KIAA1217: variants seen among roughly 807,000 people sequenced by gnomAD.
KIAA1217 encodes the protein sickle tail protein homolog.
Under a neutral mutation model 163.9 loss-of-function variants are expected in KIAA1217, and 88 were observed. The ratio of observed to expected loss-of-function variants is 0.54; its 90% CI spans 0.45 to 0.64. KIAA1217 has a LOEUF of 0.64. Among genes scored for constraint, KIAA1217 ranks in the 30% least tolerant of loss-of-function variants. The probability of loss-of-function intolerance (pLI) is 0.00; values close to 1 mark genes in which losing one functional copy is unlikely to be tolerated. For synonymous variants in KIAA1217, 903 were observed against 923.1 expected (o/e 0.98, Z 0.39); for missense variants, 2,372 against 2,475.0 (o/e 0.96, Z 0.88).
chr10:24,159,333 T>C (rs2065014339), intron 2 of KIAA1217, among the ~76,000 whole-genome samples: 1 of 152,184 alleles, frequency 6.6e-6, no homozygotes, highest in African/African-American at 2.4e-5. Flanking sequence ...ATAATAAACA[T>C]TGTCAATGAT....
chr10:24,393,740 AC>A (rs1289074557), intron 3 of KIAA1217, among the ~76,000 whole-genome samples: 1 of 152,216 alleles, frequency 6.6e-6, no homozygotes, highest in East Asian at 1.9e-4. Context: ...CAGAGAGAAG[AC>A]CATGTGAAGA....
At chr10:24,522,402 C>A (rs554118506) in intron 12 of KIAA1217, among the ~76,000 whole-genome samples, 2 of 152,122 alleles carry the variant, frequency 1.3e-5, no homozygotes, top group African/African-American at 4.8e-5. Flanking sequence ...AGTTTATTAG[C>A]CTCCTTCACT....
At chr10:23,893,971 G>A (rs1271632464) in intron 1 of KIAA1217, among the ~76,000 whole-genome samples, 1 of 151,958 alleles carries the variant, frequency 6.6e-6, no homozygotes, top group African/African-American at 2.4e-5. Flanking sequence ...AATAAATTAG[G>A]TATTGATGGG....
chr10:23,813,853 A>G (rs1273313653), intron 1 of KIAA1217, among the ~76,000 whole-genome samples: 1 of 152,172 alleles, frequency 6.6e-6, no homozygotes, highest in Non-Finnish European at 1.5e-5. Flanking sequence ...TGCCTGTTTC[A>G]TTATGTCCTT....
intron 1 of KIAA1217, among the ~76,000 whole-genome samples, chr10:23,790,460 T>C (rs1439113805): frequency 8.7e-6 from 1 of 114,630 alleles, no homozygotes; most frequent in Non-Finnish European, 1.7e-5. Context: ...TACATGTGCA[T>C]ATATACATAT....
At chr10:23,743,398 A>C (rs1182570287) in intron 1 of KIAA1217, among the ~76,000 whole-genome samples, 2 of 152,178 alleles carry the variant, frequency 1.3e-5, no homozygotes, top group African/African-American at 2.4e-5. Context: ...AACCTGAGGG[A>C]CAAAAAAATT....
chr10:24,477,516 A>G (rs1402057814), intron 6 of KIAA1217, among the ~76,000 whole-genome samples: 1 of 152,256 alleles, frequency 6.6e-6, no homozygotes, highest in Non-Finnish European at 1.5e-5. Context: ...CACACAACAG[A>G]GAAGTTAATT....
intron 2 of KIAA1217, among the ~76,000 whole-genome samples, chr10:24,195,093 G>C (rs1159959031): frequency 6.6e-6 from 1 of 152,054 alleles, no homozygotes; most frequent in Non-Finnish European, 1.5e-5. Context: ...AGGGAAGGCA[G>C]ATTCCTCCAG....
chr10:24,362,083 G>T (rs1459896077), intron 2 of KIAA1217, among the ~76,000 whole-genome samples: 1 of 151,766 alleles, frequency 6.6e-6, no homozygotes, highest in Non-Finnish European at 1.5e-5. Flanking sequence ...TTAAAATAGA[G>T]CATCTTTTTG....
rs61848109 is a variant in KIAA1217 at position 24,373,732 on chromosome 10, G to A, written c.355-7137G>A. On this transcript the variant is annotated intron_variant, in intron 2 of 20. Coordinates refer to ENST00000376454, the MANE Select transcript of KIAA1217 (RefSeq NM_019590.5). ...CCTTGTCATTTGTTTGTTTGCAGCT[G>A]TAGGAAGGCAGGGGGCTTTGCATGG... Among the ~76,000 whole-genome samples, 1,476 of 152,294 alleles carry A rather than the reference G, an allele frequency of 9.7e-3. 23 individuals are homozygous for A. Among genetic ancestry groups the A allele is most frequent in the South Asian group, 0.052 (252 of 4,814 alleles).
At chr10:23,888,425 T>C (rs544294744) in intron 1 of KIAA1217, among the ~76,000 whole-genome samples, 1 of 152,072 alleles carries the variant, frequency 6.6e-6, no homozygotes, top group South Asian at 2.1e-4. Flanking sequence ...TACTCCTGAA[T>C]AGATATACAC....
chr10:24,250,806 T>G (rs921697016), intron 2 of KIAA1217, among the ~76,000 whole-genome samples: 12 of 147,348 alleles, frequency 8.1e-5, no homozygotes, highest in Non-Finnish European at 1.0e-4. Flanking sequence ...AAGAATAGAT[T>G]GGGCCGGGTG....
chr10:24,259,764 A>T (rs1371114801), intron 2 of KIAA1217, among the ~76,000 whole-genome samples: 1 of 152,104 alleles, frequency 6.6e-6, no homozygotes, highest in African/African-American at 2.4e-5. Flanking sequence ...ACACGGGGGA[A>T]CCTGTGTCCT....
chr10:24,495,363 C>T (rs567942327), intron 8 of KIAA1217, among the ~76,000 whole-genome samples, 167 bp downstream of exon 8: 2 of 152,234 alleles, frequency 1.3e-5, no homozygotes, highest in East Asian at 1.9e-4. Flanking sequence ...TTCATTAATT[C>T]GGGGGCAAAG....
intron 5 of KIAA1217, among the ~76,000 whole-genome samples, chr10:24,438,856 G>A (rs771365329): frequency 6.6e-6 from 1 of 152,134 alleles, no homozygotes; most frequent in Non-Finnish European, 1.5e-5. Context: ...AAACAGCAAG[G>A]TGCACAATTG....
At chr10:23,789,783 C>T (rs1178745349) in intron 1 of KIAA1217, among the ~76,000 whole-genome samples, 1 of 151,692 alleles carries the variant, frequency 6.6e-6, no homozygotes, top group African/African-American at 2.4e-5. Flanking sequence ...TACTATTTCT[C>T]TAACACTTAC....
intron 1 of KIAA1217, among the ~76,000 whole-genome samples, chr10:23,709,362 A>T (rs1837085738): frequency 6.6e-6 from 1 of 150,784 alleles, no homozygotes; most frequent in Non-Finnish European, 1.5e-5. Context: ...CGTCTTTATA[A>T]AATAGTTTTT....
chr10:24,239,374 C>A, intron 2 of KIAA1217: 2 of 858,592 alleles, frequency 2.3e-6, no homozygotes, highest in Non-Finnish European at 2.8e-6. Context: ...AAGTTTTTGC[C>A]AAAAATTATT....
At chr10:23,859,917 C>A (rs181231612) in intron 1 of KIAA1217, among the ~76,000 whole-genome samples, 1 of 151,772 alleles carries the variant, frequency 6.6e-6, no homozygotes, top group East Asian at 1.9e-4. Flanking sequence ...GTAAGACTTG[C>A]CTTTTGGTAT....
Sources: gnomAD v4.1 joint callset for allele counts (sites outside exome capture counted in the v4.1 genomes callset) on GRCh38, gnomAD v4.1.1 for gene constraint, MANE v1.5 for transcripts, NCBI Gene and HGNC (gene_info 2026-07-23, HGNC 2026-07-21) for gene names.